Variants in TAFA2 observed in about 807,000 individuals in gnomAD.
TAFA2 encodes TAFA chemokine like family member 2, also known as chemokine-like protein TAFA-2.
A neutral mutation model predicts 18.8 loss-of-function variants in TAFA2; 7 were observed. The observed-to-expected ratio is 0.37, with a 90% CI of 0.21 to 0.70. The LOEUF is 0.70. Ranked by LOEUF, TAFA2 falls within the 30% of genes least tolerant of loss-of-function variation. The pLI is 0.53. For synonymous variants in TAFA2, 60 were observed against 54.2 expected (o/e 1.11, Z -0.47); for missense variants, 122 against 158.1 (o/e 0.77, Z 1.23).
rs1565699342 is a variant in TAFA2 at position 61,967,242 on chromosome 12, TG to T, written c.-1-99817del. On this transcript the variant is annotated intron_variant, in intron 1 of 4. Transcript: ENST00000416284. ...AACCAAGAGATACTGATTCATCACCTGCTAAATGTAAGCACTGTGCTAGGCT... is the reference window on the plus strand; with the variant it reads ...AACCAAGAGATACTGATTCATCACCTCTAAATGTAAGCACTGTGCTAGGCT... Among the ~76,000 whole-genome samples, 5 of 151,930 alleles carry T rather than the reference TG, an allele frequency of 3.3e-5. No individual in the cohort carries two copies. In the South Asian group the frequency reaches 8.3e-4, roughly 25 times the overall value.
intron 1 of TAFA2, among the ~76,000 whole-genome samples, chr12:62,061,617 T>C (rs577540715): frequency 6.6e-6 from 1 of 152,346 alleles, no homozygotes; most frequent in African/African-American, 2.4e-5. Context: ...ATTTTTAGTA[T>C]AATCTCCTAA....
intron 1 of TAFA2, among the ~76,000 whole-genome samples, chr12:61,878,291 A>C (rs1049234636): frequency 6.6e-6 from 1 of 152,196 alleles, no homozygotes; most frequent in South Asian, 2.1e-4. Flanking sequence ...AAATGGCTAC[A>C]ATGGTAAACT....
intron 1 of TAFA2, among the ~76,000 whole-genome samples, chr12:62,251,133 G>GGAAT (rs1184734116): frequency 1.3e-5 from 2 of 152,182 alleles, no homozygotes; most frequent in Non-Finnish European, 2.9e-5. Context: ...ACTGGCTTTG[G>GGAAT]GAATGGGCAG....
chr12:61,804,982 C>G (rs1871550782), intron 2 of TAFA2, among the ~76,000 whole-genome samples: 1 of 151,876 alleles, frequency 6.6e-6, no homozygotes, highest in Non-Finnish European at 1.5e-5. Flanking sequence ...TACTCTAAAA[C>G]AGCAAAGCAA....
At chr12:62,086,403 A>C (rs1402106891) in intron 1 of TAFA2, among the ~76,000 whole-genome samples, 1 of 152,168 alleles carries the variant, frequency 6.6e-6, no homozygotes, top group Non-Finnish European at 1.5e-5. Flanking sequence ...TATACCTGAT[A>C]AGGGAATAAT....
intron 1 of TAFA2, among the ~76,000 whole-genome samples, chr12:62,210,352 T>G (rs2062708485): frequency 6.6e-6 from 1 of 152,178 alleles, no homozygotes; most frequent in African/African-American, 2.4e-5. Flanking sequence ...AAAGCTTAAG[T>G]TTAAACTCTG....
intron 1 of TAFA2, among the ~76,000 whole-genome samples, chr12:61,976,145 C>T (rs1395030802): frequency 1.3e-5 from 2 of 151,824 alleles, no homozygotes; most frequent in East Asian, 3.9e-4. Flanking sequence ...TTTCTTTCTT[C>T]ACCAGCTAGA....
chr12:61,981,576 T>C lies in TAFA2; in HGVS notation c.-1-114150A>G, dbSNP rs575041363. ...ATCTACCCATCTGATAAAGGGCTAA[T>C]ATCCAGAATCTACAAAGAACTCAAA... is the stretch of plus-strand genomic sequence containing the variant. On this transcript the variant is annotated intron_variant, in intron 1 of 4. Coordinates refer to ENST00000416284, the MANE Select transcript of TAFA2 (RefSeq NM_178539.5). Among the ~76,000 whole-genome samples, 10 of 152,282 alleles carry C rather than the reference T, an allele frequency of 6.6e-5. No homozygotes were observed. In the East Asian group the frequency reaches 1.5e-3, roughly 24 times the overall value.
chr12:61,954,361 G>A (rs1878578131), intron 1 of TAFA2, among the ~76,000 whole-genome samples: 1 of 152,130 alleles, frequency 6.6e-6, no homozygotes, highest in African/African-American at 2.4e-5. Flanking sequence ...GATTTTTAGG[G>A]AAAACACTAA....
chr12:61,822,409 C>A (rs1295329366), intron 2 of TAFA2, among the ~76,000 whole-genome samples: 1 of 152,112 alleles, frequency 6.6e-6, no homozygotes, highest in African/African-American at 2.4e-5. Flanking sequence ...TGCTTTCAGT[C>A]CTGCTCCTAT....
chr12:62,137,316 C>CCTA (rs1870937192), intron 1 of TAFA2, among the ~76,000 whole-genome samples: 1 of 152,032 alleles, frequency 6.6e-6, no homozygotes, highest in Non-Finnish European at 1.5e-5. Flanking sequence ...GTATGCTAAG[C>CCTA]CCTCTATGAG....
intron 1 of TAFA2, among the ~76,000 whole-genome samples, chr12:61,953,054 G>C (rs1168985430): frequency 6.6e-6 from 1 of 152,066 alleles, no homozygotes; most frequent in Non-Finnish European, 1.5e-5. Context: ...GACTATAAAA[G>C]TATCTCTTCA....
chr12:61,864,101 C>T (rs1874240895), intron 2 of TAFA2, among the ~76,000 whole-genome samples: 1 of 152,102 alleles, frequency 6.6e-6, no homozygotes, highest in Admixed American at 6.5e-5. Flanking sequence ...CCTGACTTGG[C>T]TCCGCTTCCA....
chr12:62,142,449 A>C (rs971199675), intron 1 of TAFA2, among the ~76,000 whole-genome samples: 1 of 152,178 alleles, frequency 6.6e-6, no homozygotes, highest in African/African-American at 2.4e-5. Context: ...TCACTCCATG[A>C]CATCATGTTT....
intron 1 of TAFA2, chr12:62,136,162 T>A (rs908927707): frequency 2.1e-4 from 32 of 152,242 alleles, no homozygotes; most frequent in Middle Eastern, 6.8e-3. Context: ...ATTACAGGGA[T>A]TTTATTAGAA....
At chr12:62,061,018 GAAAA>G (rs61568179) in intron 1 of TAFA2, among the ~76,000 whole-genome samples, 3 of 148,590 alleles carry the variant, frequency 2.0e-5, no homozygotes, top group Non-Finnish European at 3.0e-5. Flanking sequence ...AAGTTTAAAA[GAAAA>G]AAAAAAAGCC....
chr12:61,735,002 G>A (rs1332798184), intron 4 of TAFA2, among the ~76,000 whole-genome samples: 1 of 152,018 alleles, frequency 6.6e-6, no homozygotes, highest in East Asian at 1.9e-4. Flanking sequence ...AGAATTAAAT[G>A]AGCTAGTATG....
chr12:62,007,621 C>T (rs955634319), intron 1 of TAFA2, among the ~76,000 whole-genome samples: 4 of 152,092 alleles, frequency 2.6e-5, no homozygotes, highest in Admixed American at 2.0e-4. Flanking sequence ...ATAAAGATAG[C>T]TCATCTTGAA....
At chr12:62,154,290 T>A (rs1270847) in intron 1 of TAFA2, among the ~76,000 whole-genome samples, 146,284 of 152,188 alleles carry the variant, frequency 0.96, 70,565 homozygotes, top group East Asian at 1. Flanking sequence ...CTGTGATATA[T>A]GAAGGAAGGA....
Sources: allele counts gnomAD v4.1 joint callset (sites outside exome capture counted in the v4.1 genomes callset), GRCh38; gene constraint gnomAD v4.1.1; transcripts MANE v1.5; gene names NCBI Gene and HGNC (gene_info 2026-07-23, HGNC 2026-07-21).